Variants in CLCN4 observed in about 807,000 individuals in gnomAD.
CLCN4 encodes H(+)/Cl(-) exchange transporter 4.
Under a neutral mutation model 41.7 loss-of-function variants are expected in CLCN4, and 1 was observed. That is an observed-to-expected ratio of 0.02 (90% CI 0.01 to 0.11). The LOEUF is 0.11. Among genes scored for constraint, CLCN4 ranks in the 10% least tolerant of loss-of-function variants. The pLI, the probability that CLCN4 is intolerant of heterozygous loss-of-function variation, is 1.00. For missense variants in CLCN4, 287 were observed against 661.0 expected (o/e 0.43, Z 6.20); for synonymous variants, 277 against 285.8 (o/e 0.97, Z 0.31).
At chrX:10,200,166 T>C (rs897454920) in intron 6 of CLCN4, among the ~76,000 whole-genome samples, 1 of 112,097 alleles carries the variant, frequency 8.9e-6, no homozygotes, top group Non-Finnish European at 1.9e-5. Context: ...GAGCTGGGAC[T>C]GCAGGCACGT....
chrX:10,167,285 G>A (rs1005137432), intron 2 of CLCN4, among the ~76,000 whole-genome samples: 4 of 111,990 alleles, frequency 3.6e-5, no homozygotes, highest in African/African-American at 9.8e-5. Context: ...TAGCTAGAAG[G>A]GGTGGAATGA....
intron 11 of CLCN4, among the ~76,000 whole-genome samples, 195 bp from the exon 12 acceptor site, chrX:10,220,466 A>G (rs1924829277): frequency 1.8e-5 from 2 of 111,272 alleles, no homozygotes; most frequent in African/African-American, 6.5e-5. Flanking sequence ...ACAGCAGGGG[A>G]CCCTCACACA....
At chrX:10,228,875 G>C (rs1049801627) in intron 12 of CLCN4, among the ~76,000 whole-genome samples, 11 of 111,439 alleles carry the variant, frequency 9.9e-5, no homozygotes, top group Non-Finnish European at 1.7e-4. Context: ...TTCTCAACCA[G>C]GGGCTATCTT....
chrX:10,179,804 G>A (rs1274442568), intron 2 of CLCN4, among the ~76,000 whole-genome samples: 2 of 112,465 alleles, frequency 1.8e-5, no homozygotes, highest in Non-Finnish European at 3.8e-5. Context: ...AGCTCATTCC[G>A]TCTTCTTCAC....
chrX:10,184,059 T>C (rs996910939), intron 2 of CLCN4, among the ~76,000 whole-genome samples: 1 of 112,267 alleles, frequency 8.9e-6, no homozygotes, highest in African/African-American at 3.2e-5. Context: ...ATTTTCACTG[T>C]GCCATTGGAG....
chrX:10,158,200 A>T, intron 1 of CLCN4, 89 bp from the exon 2 acceptor site: 1 of 277,259 alleles, frequency 3.6e-6, no homozygotes, highest in East Asian at 5.2e-5. Flanking sequence ...TTTATTGCTA[A>T]TTCTTTTGAA....
At chrX:10,216,918 T>TATATATATACACACACAC (rs773265490) in intron 11 of CLCN4, among the ~76,000 whole-genome samples, 4,266 of 38,729 alleles carry the variant, frequency 0.11, 447 homozygotes, top group East Asian at 0.52. Context: ...TATATATATA[T>TATATATATACACACACAC]ACACACACAC....
chrX:10,200,934 C>T (rs1168160609), intron 6 of CLCN4, among the ~76,000 whole-genome samples: 1 of 112,093 alleles, frequency 8.9e-6, no homozygotes, highest in Non-Finnish European at 1.9e-5. Flanking sequence ...AGTGATTCGC[C>T]TGCCTTGGCC....
At chrX:10,193,477 A>G (rs1231438383) in intron 4 of CLCN4, among the ~76,000 whole-genome samples, 4 of 111,863 alleles carry the variant, frequency 3.6e-5, no homozygotes, top group African/African-American at 1.3e-4. Context: ...AGGAGTCAGA[A>G]AGATCAGAGG....
chrX:10,164,454 G>A (rs936600731), intron 2 of CLCN4, among the ~76,000 whole-genome samples: 13 of 111,840 alleles, frequency 1.2e-4, no homozygotes, highest in South Asian at 3.8e-4. Context: ...GGATGCTCCT[G>A]TGTCGGGGAG....
intron 2 of CLCN4, among the ~76,000 whole-genome samples, chrX:10,162,214 T>G (rs1923128725): frequency 1.8e-5 from 2 of 110,622 alleles, no homozygotes; most frequent in South Asian, 7.8e-4. Flanking sequence ...AGATGGGATT[T>G]TGCCATGTTG....
chrX:10,158,024 A>G (rs1276655219), intron 1 of CLCN4, among the ~76,000 whole-genome samples: 1 of 112,718 alleles, frequency 8.9e-6, no homozygotes. Flanking sequence ...AGTGTTTGGT[A>G]TAATACTCGA....
chrX:10,207,962 G>A (rs1018391993), intron 8 of CLCN4, 83 bp from the exon 9 acceptor site: 22 of 852,640 alleles, frequency 2.6e-5, no homozygotes, highest in Non-Finnish European at 3.4e-5. Context: ...GACTTAGAGT[G>A]TGACTTTCCT....
At chrX:10,177,782 A>C (rs1377713325) in intron 2 of CLCN4, among the ~76,000 whole-genome samples, 1 of 112,470 alleles carries the variant, frequency 8.9e-6, no homozygotes, top group East Asian at 2.8e-4. Flanking sequence ...GCATATACCC[A>C]AGAGAAATGA....
At position 10,235,770 on chromosome X, in the gene CLCN4, C is replaced by A. The variant is rs1204743807; in HGVS notation, c.*2186C>A. ...AAATTTGTTTGTGTAATTCATTGAC[C>A]TCTTCCTTCCAAAATAACATCAAGT... is the stretch of plus-strand genomic sequence containing the variant. On this transcript the variant is annotated 3_prime_UTR_variant, in exon 13 of 13. Coordinates refer to ENST00000380833, the MANE Select transcript of CLCN4 (RefSeq NM_001830.4). 2 of 112,496 alleles carry A rather than the reference C, an allele frequency of 1.8e-5. No homozygotes were observed. The highest frequency in any genetic ancestry group is 3.8e-5 in the Non-Finnish European group (2 of 53,308). 9.3% of individuals were successfully genotyped at this position (112,496 alleles called of 1,213,427 possible).
At chrX:10,211,207 A>G (rs1924538604) in intron 9 of CLCN4, among the ~76,000 whole-genome samples, 1 of 91,119 alleles carries the variant, frequency 1.1e-5, no homozygotes, top group East Asian at 3.9e-4. Context: ...CAGAGGCTGC[A>G]GTGAGCTGAG....
At chrX:10,221,609 C>A (rs1382977073) in intron 12 of CLCN4, among the ~76,000 whole-genome samples, 1 of 112,432 alleles carries the variant, frequency 8.9e-6, no homozygotes, top group Non-Finnish European at 1.9e-5. Context: ...AGGATTGCAC[C>A]ACTGCACTCC....
chrX:10,212,646 C>G lies in CLCN4; in HGVS notation c.1569C>G (p.Ala523=), dbSNP rs1924590461. The change falls in exon 10 of 13, where the codon GCC becomes GCG. Residue 523 remains alanine, a synonymous_variant. Transcript: ENST00000380833. ...PGLYAMVGAA[A]CLGGVTRMTV... ...TGTACGCAATGGTGGGAGCTGCGGC[C>G]TGCCTCGGTACGACCATGGGTGGGG... 6 of 1,206,351 alleles carry G rather than the reference C, an allele frequency of 5.0e-6. No individual in the cohort carries two copies. Among genetic ancestry groups the G allele is most frequent in the Non-Finnish European group, 6.7e-6 (6 of 891,860 alleles).
chrX:10,170,417 A>C (rs1260641134), intron 2 of CLCN4, among the ~76,000 whole-genome samples: 1 of 112,308 alleles, frequency 8.9e-6, no homozygotes, highest in Non-Finnish European at 1.9e-5. Context: ...TTTCTAAATA[A>C]GATTGATGTT....
Sources: allele counts gnomAD v4.1 joint callset (sites outside exome capture counted in the v4.1 genomes callset), GRCh38; gene constraint gnomAD v4.1.1; transcripts MANE v1.5; gene names NCBI Gene and HGNC (gene_info 2026-07-23, HGNC 2026-07-21).